NCBP3: variants seen among roughly 807,000 people sequenced by gnomAD.
NCBP3 encodes the protein nuclear cap binding subunit 3.
A neutral mutation model predicts 75.7 loss-of-function variants in NCBP3; 20 were observed. The observed-to-expected ratio is 0.26, with a 90% CI of 0.19 to 0.38. NCBP3 has a LOEUF of 0.38. NCBP3 is among the 10% of genes least tolerant of loss of function. The pLI is 1.00. For synonymous variants in NCBP3, 293 were observed against 290.5 expected (o/e 1.01, Z -0.09); for missense variants, 678 against 796.9 (o/e 0.85, Z 1.80).
chr17:3,822,097 A>G (rs374617110), intron 7 of NCBP3, 45 bp from the exon 8 acceptor site: 2 of 1,303,946 alleles, frequency 1.5e-6, no homozygotes, highest in South Asian at 1.2e-5. Context: ...CTGTGAGTGT[A>G]AAGACAATGT....
intron 3 of NCBP3, among the ~76,000 whole-genome samples, chr17:3,832,576 A>G (rs1296534655): frequency 6.7e-6 from 1 of 148,276 alleles, no homozygotes; most frequent in Non-Finnish European, 1.5e-5. Flanking sequence ...GGTTGCAGTG[A>G]GCCGAGATCG....
In NCBP3 at chr17:3,837,755, A is replaced by G. The variant is rs529727368; in HGVS notation, c.355+2345T>C. Among the ~76,000 whole-genome samples, 44 of 151,660 alleles carry G rather than the reference A, an allele frequency of 2.9e-4. 1 individual carries two copies. The highest frequency in any genetic ancestry group is 1.9e-3 in the South Asian group (9 of 4,794). On this transcript the variant is annotated intron_variant, in intron 3 of 12. Coordinates refer to ENST00000389005, the MANE Select transcript of NCBP3 (RefSeq NM_001114118.3). Reference sequence around the variant, plus strand: ...TCTCAAAAAAAAAAAAAAAAAGAAAAGAAAACCAGTAACTATCCCTGGGAC... The same window carrying G: ...TCTCAAAAAAAAAAAAAAAAAGAAAGGAAAACCAGTAACTATCCCTGGGAC...
At chr17:3,844,345 C>G (rs1376539502) in intron 1 of NCBP3, among the ~76,000 whole-genome samples, 1 of 152,180 alleles carries the variant, frequency 6.6e-6, no homozygotes, top group Non-Finnish European at 1.5e-5. Context: ...CTTTTACTGC[C>G]CTTCCATTAG....
chr17:3,825,124 T>A, intron 6 of NCBP3, 74 bp from the exon 7 acceptor site: 1 of 774,490 alleles, frequency 1.3e-6, no homozygotes, highest in Non-Finnish European at 2.0e-6. Flanking sequence ...AAGCTACCAT[T>A]AAGAAAAGCA....
At chr17:3,843,209 A>G in intron 1 of NCBP3, 58 bp from the exon 2 acceptor site, 1 of 1,441,616 alleles carries the variant, frequency 6.9e-7, no homozygotes. Flanking sequence ...AACCTATAAT[A>G]AAAGTCGGCC....
At chr17:3,835,711 C>A (rs1286126205) in intron 3 of NCBP3, among the ~76,000 whole-genome samples, 1 of 152,254 alleles carries the variant, frequency 6.6e-6, no homozygotes, top group Non-Finnish European at 1.5e-5. Context: ...AAAAGGCCTG[C>A]AGGGTTGGGC....
In NCBP3 at chr17:3,822,068, A is replaced by G. The variant is rs758593167; in HGVS notation, c.797-16T>C. ...TTTTTGTCATCTAAAAATTAATGAC[A>G]ATAGTTACCTAGGATTTCCTGTGAG... On this transcript the variant is annotated splice_polypyrimidine_tract_variant and intron_variant, in intron 7 of 12. Coordinates refer to ENST00000389005, the MANE Select transcript of NCBP3 (RefSeq NM_001114118.3). 19 of 1,503,982 alleles carry G rather than the reference A, an allele frequency of 1.3e-5. No homozygotes were observed. In the South Asian group the frequency reaches 1.6e-4, roughly 13 times the overall value. The allele number at this position is 1,503,982 out of a possible 1,614,324, so 93.2% of individuals were successfully genotyped here. A position where few individuals can be genotyped will look rare whatever the true frequency, so the allele number is the denominator to read the frequency against.
intron 2 of NCBP3, among the ~76,000 whole-genome samples, chr17:3,841,890 T>C (rs2054071169): frequency 6.6e-6 from 1 of 151,964 alleles, no homozygotes. Flanking sequence ...TTATTTTTGC[T>C]TTTATGTATT....
At chr17:3,843,389 T>C (rs910725696) in intron 1 of NCBP3, among the ~76,000 whole-genome samples, 18 of 152,032 alleles carry the variant, frequency 1.2e-4, no homozygotes, top group African/African-American at 4.3e-4. Context: ...TATGCCACCA[T>C]GCCCAGCTAA....
intron 1 of NCBP3, among the ~76,000 whole-genome samples, chr17:3,844,888 C>G (rs985635002): frequency 6.6e-6 from 1 of 152,182 alleles, no homozygotes; most frequent in Non-Finnish European, 1.5e-5. Flanking sequence ...GAGCCGAGAT[C>G]GCGCCATTGC....
In NCBP3 at chr17:3,807,802, G is replaced by A. The variant is rs754684517; in HGVS notation, c.*5242C>T. On this transcript the variant is annotated 3_prime_UTR_variant, in exon 13 of 13. Coordinates refer to ENST00000389005, the MANE Select transcript of NCBP3 (RefSeq NM_001114118.3). ...TTTACAGAAGACCTGCTAGATGCCA[G>A]GCATGCTGGCAGGCACAGGGGAAAG... The A allele has an allele frequency of 2.4e-4, 36 of 152,078 alleles. No individual in the cohort carries two copies. The highest frequency in any genetic ancestry group is 1.1e-3 in the Admixed American group (17 of 15,258). 9.4% of individuals were successfully genotyped at this position (152,078 alleles called of 1,614,324 possible). A position where few individuals can be genotyped will look rare whatever the true frequency, so the allele number is the denominator to read the frequency against.
chr17:3,836,926 G>A lies in NCBP3; in HGVS notation c.355+3174C>T, dbSNP rs1166637308. ...AGCGCTTTGGGAGGCCGAGGCGGGTGGATCACAAGGTCAGGAGATCGAGAC... is the reference window on the plus strand; with the variant it reads ...AGCGCTTTGGGAGGCCGAGGCGGGTAGATCACAAGGTCAGGAGATCGAGAC... On this transcript the variant is annotated intron_variant, in intron 3 of 12. Transcript: ENST00000389005. Among the ~76,000 whole-genome samples, 3 of 152,094 alleles carry A rather than the reference G, an allele frequency of 2.0e-5. No individual in the cohort carries two copies. The East Asian group carries it at 5.8e-4, about 29-fold the overall frequency.
rs1280479385 is a variant in NCBP3 at position 3,818,989 on chromosome 17, T to C, written c.1001-417A>G. Among the ~76,000 whole-genome samples, 4 of 152,228 alleles carry C rather than the reference T, an allele frequency of 2.6e-5. No individual in the cohort carries two copies. Among genetic ancestry groups the C allele is most frequent in the African/African-American group, 9.6e-5 (4 of 41,452 alleles). On this transcript the variant is annotated intron_variant, in intron 9 of 12. Coordinates refer to ENST00000389005, the MANE Select transcript of NCBP3 (RefSeq NM_001114118.3). This position sits in a 1 kb window ranked among gnomAD's most constrained non-coding sequence, Gnocchi z 4.7. ...CAAACAAAGCAACACTCCACCTTCC[T>C]GTTTCATCTCATGCTGTAAACAAGC...
chr17:3,836,433 T>A (rs1485576491), intron 3 of NCBP3, among the ~76,000 whole-genome samples: 1 of 151,894 alleles, frequency 6.6e-6, no homozygotes, highest in East Asian at 1.9e-4. Context: ...GGCGGGTGGA[T>A]CACAAGGTCA....
In NCBP3 at chr17:3,811,988, T is replaced by C. The variant is rs971588726; in HGVS notation, c.*1056A>G. ...TGGGGACAGAAAGAATAAATATCAA[T>C]GTATAACTTCTAGAGTGATAATAAA... On this transcript the variant is annotated 3_prime_UTR_variant, in exon 13 of 13. Coordinates refer to ENST00000389005, the MANE Select transcript of NCBP3 (RefSeq NM_001114118.3). The C allele has an allele frequency of 2.0e-5, 3 of 152,194 alleles. No individual in the cohort carries two copies. Among genetic ancestry groups the C allele is most frequent in the Admixed American group, 6.6e-5 (1 of 15,264 alleles). 9.4% of individuals were successfully genotyped at this position (152,194 alleles called of 1,614,324 possible).
chr17:3,824,595 T>C (rs1195017642), intron 7 of NCBP3: 1 of 174,586 alleles, frequency 5.7e-6, no homozygotes, highest in African/African-American at 2.4e-5. Context: ...TAGAACCGAA[T>C]GGTACACTGG....
At chr17:3,819,206 C>T (rs772034159) in intron 9 of NCBP3, among the ~76,000 whole-genome samples, 15 of 152,288 alleles carry the variant, frequency 9.8e-5, no homozygotes, top group Admixed American at 9.8e-4. Context: ...TATAGGGCTA[C>T]TGGCTGTGAA....
rs1469704250 is a variant in NCBP3 at position 3,811,347 on chromosome 17, G to C, written c.*1697C>G. The C allele has an allele frequency of 6.6e-6, 1 of 152,114 alleles. No individual in the cohort carries two copies. Among genetic ancestry groups the C allele is most frequent in the East Asian group, 1.9e-4 (1 of 5,200 alleles). The allele number at this position is 152,114 out of a possible 1,614,324, so 9.4% of individuals were successfully genotyped here. A position where few individuals can be genotyped will look rare whatever the true frequency, so the allele number is the denominator to read the frequency against. ...TGGCTCTCAGCTGTATGCTTCACAG[G>C]GAAAGAAAAGCTGAGAAATCTCAGA... On this transcript the variant is annotated 3_prime_UTR_variant, in exon 13 of 13. Transcript: ENST00000389005.
intron 4 of NCBP3, among the ~76,000 whole-genome samples, chr17:3,826,723 G>GGA (rs1277030116): frequency 8.7e-4 from 128 of 146,366 alleles, no homozygotes; most frequent in Middle Eastern, 3.6e-3. Flanking sequence ...AAGGAAGGAA[G>GGA]GAGAGAGAGA....
Sources: gnomAD v4.1 joint callset for allele counts (sites outside exome capture counted in the v4.1 genomes callset) on GRCh38, gnomAD v4.1.1 for gene constraint, Gnocchi (gnomAD v3.1) non-coding constraint, MANE v1.5 for transcripts, NCBI Gene and HGNC (gene_info 2026-07-23, HGNC 2026-07-21) for gene names.